Variants in EML3 observed in about 807,000 individuals in gnomAD.
EML3 encodes EMAP like 3.
Under a neutral mutation model 106.7 loss-of-function variants are expected in EML3, and 53 were observed. The ratio of observed to expected loss-of-function variants is 0.50; its 90% confidence interval spans 0.40 to 0.62. The LOEUF is 0.62. Ranked by LOEUF, EML3 falls within the 20% of genes least tolerant of loss-of-function variation. EML3 has a pLI of 0.00. For missense variants in EML3, 994 were observed against 1,209.1 expected (o/e 0.82, Z 2.64); for synonymous variants, 499 against 489.6 (o/e 1.02, Z -0.25).
chr11:62,612,673 T>A lies in EML3; in HGVS notation c.-216A>T. 1 of 388,244 alleles carries A rather than the reference T, an allele frequency of 2.6e-6. No individual in the cohort carries two copies. The highest frequency in any genetic ancestry group is 4.1e-5 in the East Asian group (1 of 24,186). The allele number at this position is 388,244 out of a possible 1,614,324, so 24.0% of individuals were successfully genotyped here. A position where few individuals can be genotyped will look rare whatever the true frequency, so the allele number is the denominator to read the frequency against. Reference sequence around the variant, plus strand: ...TCCAGACCCCCCCGGGCCCTCGGACTCTCCCGGGGCCGCTCTCGGCTCCCG... The same window carrying A: ...TCCAGACCCCCCCGGGCCCTCGGACACTCCCGGGGCCGCTCTCGGCTCCCG... On this transcript the variant is annotated 5_prime_UTR_variant, in exon 1 of 22. Coordinates refer to ENST00000394773, the MANE Select transcript of EML3 (RefSeq NM_153265.3).
rs980059374 is a variant in EML3 at position 62,609,642 on chromosome 11, G to A, written c.621C>T (p.Ser207=). The change falls in exon 5 of 22, where the codon AGC becomes AGT. Residue 207 remains serine, a synonymous_variant. Transcript: ENST00000394773. The stretch of plus-strand genomic sequence containing the variant: ...CTCTTTACATACCCAAATTGTAATT[G>A]CTCCTCCGAGATCCAGGGCCCCCAG... The part of the protein sequence containing the change: ...SSPGGPGSRR[S]NYNLEGISVK... 1.2e-6 allele frequency: 2 copies of A among 1,607,144 alleles called. No homozygotes were observed. Among genetic ancestry groups the A allele is most frequent in the African/African-American group, 2.7e-5 (2 of 74,448 alleles).
rs2134380190 is a variant in EML3 at position 62,607,810 on chromosome 11, G to C, written c.1218C>G (p.Asp406Glu). 2 of 1,613,808 alleles carry C rather than the reference G, an allele frequency of 1.2e-6. No homozygotes were observed. The highest frequency in any genetic ancestry group is 4.5e-5 in the East Asian group (2 of 44,878). Residue 406 changes from aspartate to glutamate, a missense_variant, in exon 11 of 22, where the codon GAC becomes GAG. Asp to Glu is a conservative substitution (Grantham distance 45). This residue lies in a region of EML3 where 713 missense variants were observed against 920.5 expected (regional missense o/e 0.77). Coordinates refer to ENST00000394773, the MANE Select transcript of EML3 (RefSeq NM_153265.3). Reference protein sequence around the residue: ...MKLAEIKSTNDSVLAVGFNPR... With the variant: ...MKLAEIKSTNESVLAVGFNPR... ...GGTTGAAGCCAACGGCCAGGACTGA[G>C]TCATTTGTACTCTGAAGGGAAGACA...
chr11:62,611,943 T>C (rs898931809), intron 1 of EML3: 2 of 365,254 alleles, frequency 5.5e-6, no homozygotes, highest in Non-Finnish European at 1.0e-5. Context: ...ACCGCAGCCC[T>C]CCCCACGCGC....
At position 62,611,749 on chromosome 11, in the gene EML3, G is replaced by A; in HGVS notation, c.23-153C>T. 5.7e-6 allele frequency: 5 copies of A among 874,620 alleles called. No individual in the cohort carries two copies. In the South Asian group the frequency reaches 7.3e-5, roughly 13 times the overall value. The allele number at this position is 874,620 out of a possible 1,614,324, so 54.2% of individuals were successfully genotyped here. On this transcript the variant is annotated intron_variant, in intron 1 of 21. Coordinates refer to ENST00000394773, the MANE Select transcript of EML3 (RefSeq NM_153265.3). ...ATGCTCGTCCAGAGGGGAGGAGACG[G>A]TGGTAAAGGATCAAGGGCCTCCTTC... is the stretch of plus-strand genomic sequence containing the variant.
Position 62,602,561 on chromosome 11 carries a change from C to T in EML3, c.2605G>A (p.Val869Met), listed in dbSNP as rs1288692717. Residue 869 changes from valine to methionine, a missense_variant, in exon 22 of 22, where the codon GTG (valine) becomes ATG (methionine). By Grantham distance (21) the Val-to-Met change is conservative (BLOSUM62 1). Transcript: ENST00000394773. ...GKDASIFQWRVLGAGGAGPAP... is the reference protein window; with the variant it reads ...GKDASIFQWRMLGAGGAGPAP... Reference sequence around the variant, plus strand: ...GGCCCCGCGCCCCCAGCGCCCAGCACTCGCCACTGGAAGATGCTGGCGTCC... The same window carrying T: ...GGCCCCGCGCCCCCAGCGCCCAGCATTCGCCACTGGAAGATGCTGGCGTCC... The T allele has an allele frequency of 1.8e-5, 28 of 1,518,940 alleles. No homozygotes were observed. Among genetic ancestry groups the T allele is most frequent in the Non-Finnish European group, 2.5e-5 (28 of 1,133,414 alleles). The allele number at this position is 1,518,940 out of a possible 1,614,324, so 94.1% of individuals were successfully genotyped here.
rs1047814875 is a variant in EML3, at chr11:62,602,272, G to C, written c.*203C>G. 2 of 1,550,188 alleles carry C rather than the reference G, an allele frequency of 1.3e-6. No individual in the cohort carries two copies. Among genetic ancestry groups the C allele is most frequent in the African/African-American group, 2.7e-5 (2 of 73,012 alleles). ...AGCAGGCAGCGGGAGTCAAGGCCTA[G>C]GCTGGGGCTGCCCGGCTCAGCCAGC... is the stretch of plus-strand genomic sequence containing the variant. On this transcript the variant is annotated 3_prime_UTR_variant, in exon 22 of 22. Transcript: ENST00000394773.
In EML3 at chr11:62,611,220, G is replaced by C; in HGVS notation, c.319C>G (p.Pro107Ala). The C allele has an allele frequency of 6.2e-7, 1 of 1,611,384 alleles. No individual in the cohort carries two copies. The highest frequency in any genetic ancestry group is 8.5e-7 in the Non-Finnish European group (1 of 1,179,554). ...TCTTCGCTGGCCCCCTGAGGGGCTG[G>C]GGGTCCATTGCTCAGGCCAGGGGGT... ...PGPPGLSNGP[P>A]APQGASEEPS... Residue 107 changes from proline to alanine, a missense_variant, in exon 3 of 22, where the codon CCA (proline) becomes GCA (alanine). This residue lies in a region of EML3 where 269 missense variants were observed against 265.1 expected (regional missense o/e 1.01). Coordinates refer to ENST00000394773, the MANE Select transcript of EML3 (RefSeq NM_153265.3).
Position 62,602,499 on chromosome 11 carries a change from G to A in EML3, c.2667C>T (p.Ser889=). ...ATCAAACGTCGAGGGAGGAGGCGGGGGACAGGGAGGGGGTTCGAGAGGGCG... is the reference window on the plus strand; with the variant it reads ...ATCAAACGTCGAGGGAGGAGGCGGGAGACAGGGAGGGGGTTCGAGAGGGCG... ...PATPSRTPSL[S]PASSLDV Residue 889 remains serine, a synonymous_variant, in exon 22 of 22, where the codon TCC becomes TCT. Coordinates refer to ENST00000394773, the MANE Select transcript of EML3 (RefSeq NM_153265.3). The A allele has an allele frequency of 6.5e-7, 1 of 1,527,362 alleles. No homozygotes were observed. 94.6% of individuals were successfully genotyped at this position (1,527,362 alleles called of 1,614,324 possible).
chr11:62,608,942 A>C lies in EML3; in HGVS notation c.929+20T>G. 2 of 1,610,856 alleles carry C rather than the reference A, an allele frequency of 1.2e-6. No individual in the cohort carries two copies. Among genetic ancestry groups the C allele is most frequent in the Non-Finnish European group, 1.7e-6 (2 of 1,177,926 alleles). On this transcript the variant is annotated intron_variant, in intron 7 of 21. Transcript: ENST00000394773. ...CCCAGACCCTCTTCCTGCCAAGCCC[A>C]CCAGCCCCGGACTCCTCACCATCGA...
At chr11:62,611,680 A>G in intron 1 of EML3, 84 bp from the exon 2 acceptor site, 1 of 1,452,428 alleles carries the variant, frequency 6.9e-7, no homozygotes, top group Non-Finnish European at 9.2e-7. Context: ...ACAACTTTAC[A>G]TGTGTCCGGT....
chr11:62,604,434 G>A (rs998513392), intron 16 of EML3, among the ~76,000 whole-genome samples: 3 of 152,150 alleles, frequency 2.0e-5, no homozygotes, highest in Non-Finnish European at 4.4e-5. Flanking sequence ...CCAGGCTGGA[G>A]TGCAGTGGCA....
intron 1 of EML3, 83 bp downstream of exon 1, chr11:62,612,353 C>T: frequency 2.9e-6 from 4 of 1,394,212 alleles, no homozygotes; most frequent in Non-Finnish European, 3.9e-6. Context: ...GGGACGCCTC[C>T]AGACAGCCGT....
intron 4 of EML3, 76 bp from the exon 5 acceptor site, chr11:62,609,772 A>G: frequency 7.5e-7 from 1 of 1,328,628 alleles, no homozygotes; most frequent in East Asian, 2.4e-5. Flanking sequence ...GACACAAGAA[A>G]AGAGGTCACT....
At chr11:62,609,317 A>G in intron 6 of EML3, 37 bp downstream of exon 6, 1 of 1,539,012 alleles carries the variant, frequency 6.5e-7, no homozygotes. Flanking sequence ...CCAAGGTGAG[A>G]AAGGTGGTTC....
chr11:62,605,220 C>G lies in EML3; in HGVS notation c.1915-40G>C, dbSNP rs1175436061. 6.3e-7 allele frequency: 1 copy of G among 1,599,482 alleles called. No individual in the cohort carries two copies. The highest frequency in any genetic ancestry group is 1.7e-5 in the Admixed American group (1 of 58,614). On this transcript the variant is annotated intron_variant, in intron 15 of 21. Transcript: ENST00000394773. This position sits in a 1 kb window ranked among gnomAD's most constrained non-coding sequence, Gnocchi z 5.2. ...AAGGTGAATTCAAGATGATGTCTTT[C>G]TAGTGAGGGAACCAGAGTGAACCCC...
In EML3 at chr11:62,605,711, G is replaced by A. The variant is rs747498674; in HGVS notation, c.1845C>T (p.Cys615=). The change falls in exon 15 of 22, where the codon TGC becomes TGT. Residue 615 remains cysteine (C), a synonymous_variant. Transcript: ENST00000394773. This position sits in a 1 kb window ranked among gnomAD's most constrained non-coding sequence, Gnocchi z 5.2. ...THPSQNRFLT[C]GHDRQLCLWD... ...ACAGGCAGAGCTGCCGGTCGTGGCC[G>A]CAGGTGAGGAAGCGGTTCTGGGAGG... is the stretch of plus-strand genomic sequence containing the variant. 4.1e-5 allele frequency: 65 copies of A among 1,599,922 alleles called. No individual in the cohort carries two copies. The highest frequency in any genetic ancestry group is 1.8e-4 in the East Asian group (8 of 44,816).
At position 62,612,605 on chromosome 11, in the gene EML3, G is replaced by C; in HGVS notation, c.-148C>G. ...CCCGAGGGGGCGCTGTCGGGCGCGGGGAAGGGGCCTGGAGGGGGCGCTGTG... is the reference window on the plus strand; with the variant it reads ...CCCGAGGGGGCGCTGTCGGGCGCGGCGAAGGGGCCTGGAGGGGGCGCTGTG... On this transcript the variant is annotated 5_prime_UTR_variant, in exon 1 of 22. Transcript: ENST00000394773. The C allele has an allele frequency of 1.3e-6, 1 of 761,592 alleles. No individual in the cohort carries two copies. Among genetic ancestry groups the C allele is most frequent in the South Asian group, 3.3e-5 (1 of 30,080 alleles). 47.2% of individuals were successfully genotyped at this position (761,592 alleles called of 1,614,324 possible).
chr11:62,609,090 CACAA>C lies in EML3; in HGVS notation c.797_800del (p.Phe266CysfsTer54), dbSNP rs1418082360. On this transcript the variant is annotated frameshift_variant, in exon 7 of 22. Transcript: ENST00000394773. LOFTEE classifies it high-confidence loss of function. ...AGTAGACCACCTCCCCAGAGCGCAA[CACAA>C]ACAGATTAGAGCGGGAGTCACGACC... 1 of 1,614,104 alleles carries C rather than the reference CACAA, an allele frequency of 6.2e-7. No individual in the cohort carries two copies. The highest frequency in any genetic ancestry group is 1.7e-5 in the Admixed American group (1 of 60,026).
rs1565057441 is a variant in EML3, at chr11:62,606,062, C to T, written c.1656+1G>A. The T allele has an allele frequency of 6.2e-7, 1 of 1,613,976 alleles. No individual in the cohort carries two copies. Among genetic ancestry groups the T allele is most frequent in the Non-Finnish European group, 8.5e-7 (1 of 1,179,978 alleles). On this transcript the variant is annotated splice_donor_variant, in intron 13 of 21. Transcript: ENST00000394773. LOFTEE classifies it high-confidence loss of function. ...TCCCTTGACCCCAGCCCAGCCCTCA[C>T]CTCAGCCTCCTGGAGGGCCACCAAC...
Sources: allele counts gnomAD v4.1 joint callset (sites outside exome capture counted in the v4.1 genomes callset), GRCh38; gene constraint gnomAD v4.1.1; regional missense constraint gnomAD v4.1.1; non-coding constraint Gnocchi (gnomAD v3.1); transcripts MANE v1.5; gene names NCBI Gene and HGNC (gene_info 2026-07-23, HGNC 2026-07-21).